The following EPHA5 variants were observed in gnomAD, a reference collection of about 807,000 sequenced individuals.
The protein encoded by EPHA5 is ephrin type-A receptor 5.
EPHA5 carries 60 observed loss-of-function variants against 105.0 expected under a neutral mutation model. That is an observed-to-expected ratio of 0.57 (90% CI 0.46 to 0.71). The LOEUF is 0.71. Ranked by LOEUF, EPHA5 falls within the 30% of genes least tolerant of loss-of-function variation. The pLI, the probability that EPHA5 is intolerant of heterozygous loss-of-function variation, is 0.00. For missense variants in EPHA5, 1,218 were observed against 1,274.7 expected (o/e 0.96, Z 0.68); for synonymous variants, 513 against 449.1 (o/e 1.14, Z -1.80).
At chr4:65,607,277 T>C (rs188187798) in intron 2 of EPHA5, among the ~76,000 whole-genome samples, 78 of 152,118 alleles carry the variant, frequency 5.1e-4, no homozygotes, top group Non-Finnish European at 9.7e-4. Flanking sequence ...GGGCAAATAA[T>C]TCATAACTAA....
Position 65,365,014 on chromosome 4 carries a change from T to G in EPHA5, c.2173+3A>C. 6.2e-7 allele frequency: 1 copy of G among 1,609,928 alleles called. No individual in the cohort carries two copies. Among genetic ancestry groups the G allele is most frequent in the African/African-American group, 1.3e-5 (1 of 74,824 alleles). On this transcript the variant is annotated splice_donor_region_variant and intron_variant, in intron 11 of 16. Coordinates refer to ENST00000613740, the MANE Select transcript of EPHA5 (RefSeq NM_001281766.3). Reference sequence around the variant, plus strand: ...CACATGTATAATTTGCCATCATACTTACTTTTGGTCACCACACCTTCTAAA... The same window carrying G: ...CACATGTATAATTTGCCATCATACTGACTTTTGGTCACCACACCTTCTAAA...
rs1363116492 is a variant in EPHA5 at position 65,495,455 on chromosome 4, T to G, written c.999A>C (p.Ser333=). The change falls in exon 4 of 17, where the codon TCA becomes TCC. Residue 333 remains serine, a synonymous_variant. Transcript: ENST00000613740. The part of the protein sequence containing the change: ...PPHSYTHEEA[S]TSCVCEKDYF... Reference sequence around the variant, plus strand: ...AATCCTTTTCACAGACACAAGAGGTTGAAGCTTCCTCATGGGTATAACTGT... The same window carrying G: ...AATCCTTTTCACAGACACAAGAGGTGGAAGCTTCCTCATGGGTATAACTGT... 5 of 1,613,822 alleles carry G rather than the reference T, an allele frequency of 3.1e-6. No homozygotes were observed. The highest frequency in any genetic ancestry group is 4.2e-6 in the Non-Finnish European group (5 of 1,179,888).
At chr4:65,592,545 A>AAAGAC (rs1267004776) in intron 3 of EPHA5, among the ~76,000 whole-genome samples, 1 of 152,172 alleles carries the variant, frequency 6.6e-6, no homozygotes. Flanking sequence ...AAAGAAAAGA[A>AAAGAC]AAAAATTTAC....
At chr4:65,362,594 A>G (rs1283125898) in intron 11 of EPHA5, among the ~76,000 whole-genome samples, 2 of 151,676 alleles carry the variant, frequency 1.3e-5, no homozygotes, top group Non-Finnish European at 3.0e-5. Flanking sequence ...AGAGATCAGA[A>G]ATTTAAAACT....
chr4:65,488,255 A>G (rs1208731064), intron 5 of EPHA5, among the ~76,000 whole-genome samples: 1 of 152,240 alleles, frequency 6.6e-6, no homozygotes, highest in Non-Finnish European at 1.5e-5. Context: ...TCATTAAAAA[A>G]TAAACAGTTA....
chr4:65,625,322 A>G (rs1045850531), intron 2 of EPHA5, among the ~76,000 whole-genome samples: 8 of 152,180 alleles, frequency 5.3e-5, no homozygotes, highest in Non-Finnish European at 1.2e-4. Context: ...CATACCAAAA[A>G]AAATGAAATA....
chr4:65,538,426 A>T (rs1444847961), intron 3 of EPHA5, among the ~76,000 whole-genome samples: 1 of 151,676 alleles, frequency 6.6e-6, no homozygotes, highest in African/African-American at 2.4e-5. Flanking sequence ...ATTCCAAGCA[A>T]TATCCCTGAA....
At chr4:65,523,074 C>T (rs928694937) in intron 3 of EPHA5, among the ~76,000 whole-genome samples, 1 of 151,866 alleles carries the variant, frequency 6.6e-6, no homozygotes, top group African/African-American at 2.4e-5. Context: ...TTTCTCCGTT[C>T]TTAATACTCA....
In EPHA5 at chr4:65,495,506, G is replaced by T; in HGVS notation, c.948C>A (p.Ile316=). 1 of 1,613,758 alleles carries T rather than the reference G, an allele frequency of 6.2e-7. No homozygotes were observed. Among genetic ancestry groups the T allele is most frequent in the Non-Finnish European group, 8.5e-7 (1 of 1,179,762 alleles). ...GAGGTGGACATTTGCCGCAGCTCTG[G>T]ATGTGAGGTGAGGCTTTGAAGAACC... is the stretch of plus-strand genomic sequence containing the variant. The part of the protein sequence containing the change: ...RPGFFKASPH[I]QSCGKCPPHS... The change falls in exon 4 of 17, where the codon ATC becomes ATA. Residue 316 remains isoleucine, a synonymous_variant. Transcript: ENST00000613740.
At chr4:65,567,103 T>C (rs1416455568) in intron 3 of EPHA5, among the ~76,000 whole-genome samples, 1 of 151,690 alleles carries the variant, frequency 6.6e-6, no homozygotes, top group Non-Finnish European at 1.5e-5. Context: ...TCTGAAGTGC[T>C]GTAAAAGCAA....
chr4:65,344,881 C>T (rs1008793217), intron 14 of EPHA5, among the ~76,000 whole-genome samples: 2 of 151,992 alleles, frequency 1.3e-5, no homozygotes, highest in African/African-American at 4.8e-5. Context: ...TGATGTCGGA[C>T]TATTGGTTAG....
rs771196727 is a variant in EPHA5, at chr4:65,365,109, T to G, written c.2081A>C (p.Glu694Ala). 6.2e-7 allele frequency: 1 copy of G among 1,612,008 alleles called. No individual in the cohort carries two copies. The highest frequency in any genetic ancestry group is 1.7e-5 in the Admixed American group (1 of 59,840). Reference sequence around the variant, plus strand: ...ACCTAGGAAATCTCTGCGTTGCTTTTCAGTATAGCCTACTTTAAGGGTTTT... The same window carrying G: ...ACCTAGGAAATCTCTGCGTTGCTTTGCAGTATAGCCTACTTTAAGGGTTTT... ...AIKTLKVGYT[E>A]KQRRDFLGEA... The change falls in exon 11 of 17, where the codon GAA becomes GCA. Residue 694 changes from glutamate to alanine, a missense_variant. Glu to Ala is a moderately radical substitution (Grantham distance 107). This residue lies in a region of EPHA5 where 971 missense variants were observed against 1,013.5 expected (regional missense o/e 0.96). Coordinates refer to ENST00000613740, the MANE Select transcript of EPHA5 (RefSeq NM_001281766.3).
chr4:65,363,699 T>C (rs1305830185), intron 11 of EPHA5, among the ~76,000 whole-genome samples: 1 of 151,592 alleles, frequency 6.6e-6, no homozygotes, highest in African/African-American at 2.4e-5. Flanking sequence ...TTATATTAGA[T>C]AATACCATTT....
At chr4:65,526,514 T>C (rs34409050) in intron 3 of EPHA5, among the ~76,000 whole-genome samples, 21,851 of 151,938 alleles carry the variant, frequency 0.14, 1,809 homozygotes, top group Non-Finnish European at 0.18. Context: ...GTTTTATTTC[T>C]TGTGTTTTAT....
At chr4:65,580,352 T>C (rs1306885004) in intron 3 of EPHA5, among the ~76,000 whole-genome samples, 2 of 151,918 alleles carry the variant, frequency 1.3e-5, no homozygotes, top group Non-Finnish European at 2.9e-5. Context: ...ATTCATGTTA[T>C]TTTGCTGAAA....
intron 2 of EPHA5, among the ~76,000 whole-genome samples, chr4:65,606,682 G>T (rs1159861468): frequency 7.9e-5 from 12 of 152,124 alleles, no homozygotes; most frequent in Admixed American, 5.9e-4. Flanking sequence ...TTATTTGTGA[G>T]CCTATGTTTT....
chr4:65,608,774 A>T (rs1442682555), intron 2 of EPHA5, among the ~76,000 whole-genome samples: 1 of 152,184 alleles, frequency 6.6e-6, no homozygotes, highest in Admixed American at 6.5e-5. Context: ...TGCAGAATAA[A>T]CTGCATCTTT....
chr4:65,425,657 A>G (rs2149049090), intron 5 of EPHA5, among the ~76,000 whole-genome samples: 2 of 152,036 alleles, frequency 1.3e-5, no homozygotes, highest in South Asian at 4.1e-4. Flanking sequence ...TGCTTCTTTT[A>G]TAAAAAATCA....
At chr4:65,520,893 G>A (rs1186518451) in intron 3 of EPHA5, among the ~76,000 whole-genome samples, 1 of 152,162 alleles carries the variant, frequency 6.6e-6, no homozygotes, top group Admixed American at 6.5e-5. Flanking sequence ...TGGAGAGGAT[G>A]TGGAGAAATA....
Sources: gnomAD v4.1 joint callset for allele counts (sites outside exome capture counted in the v4.1 genomes callset) on GRCh38, gnomAD v4.1.1 for gene constraint, gnomAD v4.1.1 regional missense constraint, MANE v1.5 for transcripts, NCBI Gene and HGNC (gene_info 2026-07-23, HGNC 2026-07-21) for gene names.